Variants in BCO1 observed in about 807,000 individuals in gnomAD.
BCO1 encodes beta-carotene oxygenase 1, also known as beta,beta-carotene 15,15'-dioxygenase.
In BCO1, 54 loss-of-function variants were observed where a neutral mutation model predicts 56.3. The observed-to-expected ratio is 0.96, with a 90% CI of 0.77 to 1.20. BCO1 has a LOEUF of 1.20. Among genes scored for constraint, BCO1 ranks in the 50% most tolerant of loss-of-function variants. The pLI, the probability that BCO1 is intolerant of heterozygous loss-of-function variation, is 0.00. For missense variants in BCO1, 801 were observed against 690.9 expected (o/e 1.16, Z -1.79); for synonymous variants, 318 against 266.1 (o/e 1.20, Z -1.90).
At chr16:81,242,788 C>T (rs1005708375) in intron 1 of BCO1, among the ~76,000 whole-genome samples, 1 of 152,126 alleles carries the variant, frequency 6.6e-6, no homozygotes, top group Admixed American at 6.6e-5. Flanking sequence ...CTGTTAGGAA[C>T]CGGGCCGCAC....
chr16:81,287,244 A>C, intron 9 of BCO1, 51 bp from the exon 10 acceptor site: 1 of 1,329,402 alleles, frequency 7.5e-7, no homozygotes, highest in Non-Finnish European at 1.1e-6. Flanking sequence ...TGCAGAGAAT[A>C]GTATTCTCTC....
chr16:81,284,805 T>C (rs1908079705), intron 8 of BCO1, among the ~76,000 whole-genome samples: 1 of 149,512 alleles, frequency 6.7e-6, no homozygotes, highest in African/African-American at 2.5e-5. Context: ...TTTCTTTTCT[T>C]TTTGTTTTGT....
At chr16:81,239,077 C>A in intron 1 of BCO1, 105 bp downstream of exon 1, 1 of 1,005,844 alleles carries the variant, frequency 9.9e-7, no homozygotes, top group Non-Finnish European at 1.5e-6. Context: ...AGTCCAGTGG[C>A]TTGATCTCGG....
chr16:81,268,199 G>A, intron 6 of BCO1, 68 bp downstream of exon 6: 1 of 1,454,024 alleles, frequency 6.9e-7, no homozygotes, highest in Non-Finnish European at 9.5e-7. Flanking sequence ...GTGTGCAGGA[G>A]GGTGAAGTTT....
chr16:81,269,770 G>C (rs142870085), intron 6 of BCO1, among the ~76,000 whole-genome samples: 5 of 152,086 alleles, frequency 3.3e-5, no homozygotes, highest in Non-Finnish European at 5.9e-5. Flanking sequence ...CCCTGCCAAG[G>C]CTCCAGTCTT....
chr16:81,249,702 A>C (rs1199739877), intron 2 of BCO1, among the ~76,000 whole-genome samples: 2 of 152,130 alleles, frequency 1.3e-5, no homozygotes, highest in African/African-American at 4.8e-5. Flanking sequence ...CGCCCGGCCG[A>C]GTCAGTTTTA....
At chr16:81,255,077 C>T (rs1466117772) in intron 2 of BCO1, among the ~76,000 whole-genome samples, 1 of 152,216 alleles carries the variant, frequency 6.6e-6, no homozygotes, top group African/African-American at 2.4e-5. Context: ...GCCATTGCAC[C>T]TGGCCCCAGG....
At position 81,238,985 on chromosome 16, in the gene BCO1, A is replaced by T; in HGVS notation, c.64+13A>T. On this transcript the variant is annotated intron_variant, in intron 1 of 10. Coordinates refer to ENST00000258168, the MANE Select transcript of BCO1 (RefSeq NM_017429.3). Reference sequence around the variant, plus strand: ...GCCAAAGTGACAGGTGAGCATTCTGATAAACACTGGGCTCTTTCTTCTATT... The same window carrying T: ...GCCAAAGTGACAGGTGAGCATTCTGTTAAACACTGGGCTCTTTCTTCTATT... 1 of 1,610,160 alleles carries T rather than the reference A, an allele frequency of 6.2e-7. No individual in the cohort carries two copies. Among genetic ancestry groups the T allele is most frequent in the African/African-American group, 1.3e-5 (1 of 74,866 alleles).
chr16:81,281,182 C>T (rs1907862293), intron 8 of BCO1, among the ~76,000 whole-genome samples: 1 of 152,032 alleles, frequency 6.6e-6, no homozygotes, highest in Non-Finnish European at 1.5e-5. Flanking sequence ...ACGGTGGCTC[C>T]CACCTGTAGT....
At chr16:81,262,486 G>A in intron 4 of BCO1, 2 of 612,362 alleles carry the variant, frequency 3.3e-6, no homozygotes, top group Non-Finnish European at 5.9e-6. Flanking sequence ...GTCTGTATCA[G>A]TTTCCTGGGG....
At chr16:81,249,564 G>GT (rs1905659281) in intron 2 of BCO1, among the ~76,000 whole-genome samples, 2 of 151,680 alleles carry the variant, frequency 1.3e-5, no homozygotes, top group African/African-American at 2.4e-5. Flanking sequence ...CCCCGGCTAG[G>GT]TTTTTTTGTA....
chr16:81,259,522 A>T (rs1043101137), intron 2 of BCO1, among the ~76,000 whole-genome samples, 154 bp from the exon 3 acceptor site: 18 of 152,202 alleles, frequency 1.2e-4, no homozygotes, highest in Non-Finnish European at 2.6e-4. Flanking sequence ...AATTATATTT[A>T]AAATGCGAAT....
chr16:81,285,718 G>A, intron 9 of BCO1, 84 bp downstream of exon 9: 1 of 1,063,644 alleles, frequency 9.4e-7, no homozygotes, highest in Non-Finnish European at 1.5e-6. Context: ...CTGAGACGTT[G>A]ATTAGAAAAG....
intron 2 of BCO1, among the ~76,000 whole-genome samples, chr16:81,248,577 A>C (rs1209516706): frequency 1.3e-5 from 2 of 152,158 alleles, no homozygotes; most frequent in African/African-American, 4.8e-5. Context: ...TGCAGATTTT[A>C]CTGTGACTCA....
At chr16:81,243,582 T>C (rs62054700) in intron 1 of BCO1, among the ~76,000 whole-genome samples, 62,270 of 151,946 alleles carry the variant, frequency 0.41, 13,667 homozygotes, top group African/African-American at 0.57. Context: ...AATTCTCCTG[T>C]CTCAGCCTCC....
At chr16:81,255,173 C>T (rs1314034438) in intron 2 of BCO1, among the ~76,000 whole-genome samples, 5 of 152,200 alleles carry the variant, frequency 3.3e-5, no homozygotes, top group Non-Finnish European at 4.4e-5. Flanking sequence ...AGCTGCACAT[C>T]TCTGTAGGAG....
intron 8 of BCO1, among the ~76,000 whole-genome samples, chr16:81,282,823 G>A (rs1478160733): frequency 6.6e-6 from 1 of 152,176 alleles, no homozygotes; most frequent in Non-Finnish European, 1.5e-5. Flanking sequence ...TGCATGGATT[G>A]TGTGACATAG....
intron 1 of BCO1, 54 bp from the exon 2 acceptor site, chr16:81,245,421 A>C: frequency 6.2e-7 from 1 of 1,613,932 alleles, no homozygotes; most frequent in Non-Finnish European, 8.5e-7. Flanking sequence ...CATTTCTTCC[A>C]GCATTTTGGT....
chr16:81,249,500 A>C (rs1256822701), intron 2 of BCO1, among the ~76,000 whole-genome samples: 1 of 151,874 alleles, frequency 6.6e-6, no homozygotes, highest in Non-Finnish European at 1.5e-5. Context: ...TCGTGATCTG[A>C]CCGCCTCGGC....
Sources: allele counts gnomAD v4.1 joint callset (sites outside exome capture counted in the v4.1 genomes callset), GRCh38; gene constraint gnomAD v4.1.1; transcripts MANE v1.5; gene names NCBI Gene and HGNC (gene_info 2026-07-23, HGNC 2026-07-21).